HYAL4: variants seen among roughly 807,000 people sequenced by gnomAD.
The protein encoded by HYAL4 is hyaluronidase-4.
Under a neutral mutation model 35.2 loss-of-function variants are expected in HYAL4, and 37 were observed. The observed-to-expected ratio is 1.05, with a 90% confidence interval of 0.81 to 1.38. The LOEUF (loss-of-function observed/expected upper bound fraction) is 1.38. Ranked by LOEUF, HYAL4 falls within the 40% of genes most tolerant of loss-of-function variation. The probability of loss-of-function intolerance (pLI) is 0.00; values close to 1 mark genes in which losing one functional copy is unlikely to be tolerated. For missense variants in HYAL4, 572 were observed against 572.4 expected, an observed-to-expected ratio of 1.00 and a Z score of 0.01; for synonymous variants, 198 against 203.2, an observed-to-expected ratio of 0.97 and a Z score of 0.22.
intron 2 of HYAL4, among the ~76,000 whole-genome samples, chr7:123,855,090 A>G (rs1344957885): frequency 1.3e-5 from 2 of 152,052 alleles, no homozygotes; most frequent in Non-Finnish European, 1.5e-5. Flanking sequence ...TTGAACTTAT[A>G]TGTGTCTTTA....
chr7:123,859,557 C>G (rs1325266843), intron 2 of HYAL4, among the ~76,000 whole-genome samples: 2 of 152,042 alleles, frequency 1.3e-5, no homozygotes, highest in Admixed American at 6.6e-5. Context: ...TGATAGTGTT[C>G]ATTTCCATTA....
the HYAL4 span, among the ~76,000 whole-genome samples, chr7:123,818,657 A>T: frequency 6.6e-6 from 1 of 152,212 alleles, no homozygotes; most frequent in African/African-American, 2.4e-5. Flanking sequence ...TGTTTAGAAT[A>T]TTGCCTGGAA....
At chr7:123,800,162 C>G in the HYAL4 span, among the ~76,000 whole-genome samples, 2 of 143,820 alleles carry the variant, frequency 1.4e-5, no homozygotes, top group Non-Finnish European at 3.1e-5. Flanking sequence ...GACTCTGTGT[C>G]AATTTTTTTT....
At chr7:123,821,867 AT>A in the HYAL4 span, among the ~76,000 whole-genome samples, 1 of 152,148 alleles carries the variant, frequency 6.6e-6, no homozygotes, top group African/African-American at 2.4e-5. Flanking sequence ...GGGCCTACAG[AT>A]ATCTAGTTTT....
the HYAL4 span, among the ~76,000 whole-genome samples, chr7:123,782,131 T>C: frequency 6.3e-3 from 961 of 152,260 alleles, 9 homozygotes; most frequent in African/African-American, 0.021. Flanking sequence ...CTTTCCATAG[T>C]TGAAATCATT....
intron 2 of HYAL4, among the ~76,000 whole-genome samples, chr7:123,861,071 A>C (rs1806566330): frequency 6.6e-6 from 1 of 151,810 alleles, no homozygotes; most frequent in African/African-American, 2.4e-5. Context: ...TTTCCTCTCC[A>C]CTCTTGTACT....
intron 1 of HYAL4, among the ~76,000 whole-genome samples, chr7:123,846,653 C>A (rs1806180634): frequency 6.6e-6 from 1 of 152,112 alleles, no homozygotes; most frequent in South Asian, 2.1e-4. Flanking sequence ...CCCCTGAGGT[C>A]TGGACAGGAA....
chr7:123,843,658 T>C (rs1806114997), upstream of HYAL4, among the ~76,000 whole-genome samples: 1 of 152,048 alleles, frequency 6.6e-6, no homozygotes, highest in Non-Finnish European at 1.5e-5. Context: ...TTTGGTCTTT[T>C]CACATAGTCC....
At chr7:123,804,144 C>T in the HYAL4 span, among the ~76,000 whole-genome samples, 9 of 152,214 alleles carry the variant, frequency 5.9e-5, no homozygotes, top group Non-Finnish European at 1.2e-4. Flanking sequence ...CACAAGCTGC[C>T]ACCCAACCTA....
chr7:123,769,360 G>T, the HYAL4 span, among the ~76,000 whole-genome samples: 1 of 152,160 alleles, frequency 6.6e-6, no homozygotes, highest in Non-Finnish European at 1.5e-5. Context: ...GAGTGTTTAT[G>T]GGACCTGTAC....
chr7:123,801,166 A>G, the HYAL4 span, among the ~76,000 whole-genome samples: 1 of 152,116 alleles, frequency 6.6e-6, no homozygotes, highest in African/African-American at 2.4e-5. Flanking sequence ...AATACAAAGA[A>G]TCAGCCAATG....
the HYAL4 span, among the ~76,000 whole-genome samples, chr7:123,776,226 A>G: frequency 1.3e-5 from 2 of 152,184 alleles, no homozygotes; most frequent in African/African-American, 4.8e-5. Flanking sequence ...GCCTAAGAAG[A>G]GCGTGATTTC....
upstream of HYAL4, among the ~76,000 whole-genome samples, chr7:123,825,929 T>C (rs1350585164): frequency 6.6e-6 from 1 of 152,064 alleles, no homozygotes; most frequent in Non-Finnish European, 1.5e-5. Flanking sequence ...TTAAATTTAT[T>C]ATTTTATTCC....
At chr7:123,863,127 A>G (rs1806612656) in intron 2 of HYAL4, among the ~76,000 whole-genome samples, 1 of 152,104 alleles carries the variant, frequency 6.6e-6, no homozygotes, top group African/African-American at 2.4e-5. Flanking sequence ...TTTCTTTGTT[A>G]TCATAATTTG....
chr7:123,813,742 A>G, the HYAL4 span, among the ~76,000 whole-genome samples: 17,350 of 152,176 alleles, frequency 0.11, 1,119 homozygotes, highest in Non-Finnish European at 0.14. Flanking sequence ...TCAAGTGGGC[A>G]TGTTCTTGGA....
At position 123,849,281 on chromosome 7, in the gene HYAL4, C is replaced by T. The variant is rs180751944; in HGVS notation, c.-52+1123C>T. On this transcript the variant is annotated intron_variant, in intron 2 of 4. Transcript: ENST00000223026. ...TAATGTACAGTCTCTCTCTCTCTCT[C>T]TCTCCCTCTCTCTCTCTCTTTCTCT... Among the ~76,000 whole-genome samples the T allele has an allele frequency of 4.3e-3, 649 of 151,908 alleles. 2 individuals are homozygous for T. The highest frequency in any genetic ancestry group is 5.4e-3 in the Non-Finnish European group (367 of 67,936).
At chr7:123,852,542 T>C (rs1584917001) in intron 2 of HYAL4, among the ~76,000 whole-genome samples, 1 of 152,148 alleles carries the variant, frequency 6.6e-6, no homozygotes, top group South Asian at 2.1e-4. Context: ...AAAAATTAGA[T>C]GGTTGTACAT....
the HYAL4 span, among the ~76,000 whole-genome samples, chr7:123,765,926 T>G: frequency 1.3e-5 from 2 of 152,196 alleles, no homozygotes; most frequent in Non-Finnish European, 2.9e-5. Flanking sequence ...CATGTGAGAT[T>G]AGGTTTCATT....
the HYAL4 span, among the ~76,000 whole-genome samples, chr7:123,770,562 A>G: frequency 1.3e-3 from 191 of 152,200 alleles, no homozygotes; most frequent in Non-Finnish European, 2.2e-3. Context: ...AGCTGAGTGG[A>G]CAGTGTGAAC....
Sources: gnomAD v4.1 joint callset for allele counts (sites outside exome capture counted in the v4.1 genomes callset) on GRCh38, gnomAD v4.1.1 for gene constraint, MANE v1.5 for transcripts, NCBI Gene and HGNC (gene_info 2026-07-23, HGNC 2026-07-21) for gene names.